Variants in C20orf96 observed in about 807,000 individuals in gnomAD.
C20orf96 encodes the protein uncharacterized protein C20orf96.
C20orf96 carries 57 observed loss-of-function variants against 52.6 expected under a neutral mutation model. The ratio of observed to expected loss-of-function variants is 1.08; its 90% CI spans 0.88 to 1.35. The LOEUF is 1.35. C20orf96 is among the 40% of genes most tolerant of loss of function. C20orf96 has a pLI of 0.00. For synonymous variants in C20orf96, 168 were observed against 157.2 expected (o/e 1.07, Z -0.51); for missense variants, 478 against 443.6 (o/e 1.08, Z -0.70).
At chr20:277,630 C>A (rs1600185578) in intron 6 of C20orf96, among the ~76,000 whole-genome samples, 1 of 152,150 alleles carries the variant, frequency 6.6e-6, no homozygotes, top group Non-Finnish European at 1.5e-5. Context: ...CTAGACTAGT[C>A]CCCACTCTGC....
rs761179329 is a variant in C20orf96, at chr20:277,256, G to A, written c.693C>T (p.Arg231=). Reference sequence around the variant, plus strand: ...GGCTGTCCTTAACCTGCTGCAGCTGGCGCATAAGAGTGGAGATCTGGACAG... The same window carrying A: ...GGCTGTCCTTAACCTGCTGCAGCTGACGCATAAGAGTGGAGATCTGGACAG... The part of the protein sequence containing the change: ...IKSVQISTLM[R]QLQQVKDSQQ... Residue 231 remains arginine (R), a synonymous_variant, in exon 7 of 11, where the codon CGC becomes CGT. Transcript: ENST00000360321. The A allele has an allele frequency of 2.5e-6, 4 of 1,614,212 alleles. No homozygotes were observed. The East Asian group carries it at 6.7e-5, about 27-fold the overall frequency.
intron 4 of C20orf96, 146 bp from the exon 5 acceptor site, chr20:279,476 T>C: frequency 1.1e-6 from 1 of 887,596 alleles, no homozygotes; most frequent in Non-Finnish European, 1.6e-6. Flanking sequence ...AGCTGGGCGG[T>C]TCCCCATTGT....
chr20:279,313 CCCGCTCCTGAGCGAGGTCTG>C lies in C20orf96; in HGVS notation c.307-3_323del. 1 of 1,605,398 alleles carries C rather than the reference CCCGCTCCTGAGCGAGGTCTG, an allele frequency of 6.2e-7. No homozygotes were observed. The highest frequency in any genetic ancestry group is 8.5e-7 in the Non-Finnish European group (1 of 1,178,408). ...TTCGGAGCTCTCGCAGAGCGGCCCT[CCCGCTCCTGAGCGAGGTCTG>C]CGGGCGGAGGGAAGAGCAGAGAGGC... On this transcript the variant is annotated splice_acceptor_variant and splice_polypyrimidine_tract_variant and coding_sequence_variant and intron_variant, in exon 5 of 11. Coordinates refer to ENST00000360321, the MANE Select transcript of C20orf96 (RefSeq NM_153269.3). LOFTEE classifies it high-confidence loss of function.
intron 3 of C20orf96, among the ~76,000 whole-genome samples, chr20:284,969 T>C (rs2012345846): frequency 1.3e-5 from 2 of 152,316 alleles, no homozygotes; most frequent in Admixed American, 6.5e-5. Context: ...CGTCCACCTA[T>C]AAAATGGGAA....
At chr20:277,449 C>A in intron 6 of C20orf96, 66 bp from the exon 7 acceptor site, 2 of 1,537,184 alleles carry the variant, frequency 1.3e-6, no homozygotes, top group Non-Finnish European at 1.8e-6. Context: ...ACCTGGGCCC[C>A]AGGAGGCCCA....
intron 10 of C20orf96, among the ~76,000 whole-genome samples, chr20:272,137 C>T (rs1427289520): frequency 6.6e-6 from 1 of 151,582 alleles, no homozygotes; most frequent in African/African-American, 2.4e-5. Context: ...TCTAGATGGG[C>T]AAAACTGGCT....
intron 10 of C20orf96, among the ~76,000 whole-genome samples, chr20:274,269 C>T (rs75067283): frequency 0.13 from 20,482 of 151,852 alleles, 1,993 homozygotes; most frequent in African/African-American, 0.29. Context: ...GTGTATTGCT[C>T]CTGGCCTCTC....
intron 10 of C20orf96, among the ~76,000 whole-genome samples, chr20:274,310 G>A (rs531018451): frequency 2.0e-5 from 3 of 152,042 alleles, no homozygotes; most frequent in African/African-American, 7.2e-5. Context: ...TTTTGGAAAG[G>A]GGGTATGACC....
intron 4 of C20orf96, among the ~76,000 whole-genome samples, chr20:281,288 C>T (rs569806238): frequency 3.0e-4 from 46 of 151,774 alleles, no homozygotes; most frequent in African/African-American, 1.0e-3. Flanking sequence ...CAGGAGTTTA[C>T]GGCTGCAGTG....
intron 5 of C20orf96, 90 bp downstream of exon 5, chr20:279,082 C>CG: frequency 1.1e-5 from 4 of 362,496 alleles, no homozygotes; most frequent in East Asian, 1.4e-4. Flanking sequence ...GAGGGAGGGA[C>CG]GGAGGGCGGG....
rs2012171417 is a variant in C20orf96 at position 279,170 on chromosome 20, A to G, written c.465+2T>C. Reference sequence around the variant, plus strand: ...AGGGCGGGCGGATGCCGCGGGTCTCACCGCCAGGGTGTCCTGCTGCTGCAG... The same window carrying G: ...AGGGCGGGCGGATGCCGCGGGTCTCGCCGCCAGGGTGTCCTGCTGCTGCAG... On this transcript the variant is annotated splice_donor_variant, in intron 5 of 10. Transcript: ENST00000360321. LOFTEE classifies it high-confidence loss of function. 5 of 1,579,402 alleles carry G rather than the reference A, an allele frequency of 3.2e-6. No homozygotes were observed. The East Asian group carries it at 9.5e-5, about 30-fold the overall frequency.
At chr20:279,685 G>A (rs1050597465) in intron 4 of C20orf96, among the ~76,000 whole-genome samples, 1 of 152,098 alleles carries the variant, frequency 6.6e-6, no homozygotes, top group Non-Finnish European at 1.5e-5. Context: ...AGAAATAATA[G>A]TAAGGGCCGG....
At chr20:277,457 CCAGGAGGCA>C in intron 6 of C20orf96, 74 bp from the exon 7 acceptor site, 2 of 1,537,030 alleles carry the variant, frequency 1.3e-6, no homozygotes, top group Non-Finnish European at 1.8e-6. Flanking sequence ...CCCAGGAGGC[CCAGGAGGCA>C]AGGTCTCCTT....
At chr20:285,005 T>A (rs1453275351) in intron 3 of C20orf96, among the ~76,000 whole-genome samples, 2 of 151,982 alleles carry the variant, frequency 1.3e-5, no homozygotes, top group East Asian at 3.9e-4. Flanking sequence ...CCTCATAGAG[T>A]CTTCCTGAAG....
At chr20:288,923 G>A (rs79419670) in intron 3 of C20orf96, among the ~76,000 whole-genome samples, 3,811 of 152,284 alleles carry the variant, frequency 0.025, 161 homozygotes, top group African/African-American at 0.086. Flanking sequence ...GGCTCAGAGA[G>A]ATGAATGATT....
intron 1 of C20orf96, 122 bp downstream of exon 1, chr20:290,469 G>A: frequency 6.6e-7 from 1 of 1,511,720 alleles, no homozygotes; most frequent in South Asian, 1.2e-5. Context: ...TGGGCGGGGA[G>A]AGGACGGGGG....
At position 270,932 on chromosome 20, in the gene C20orf96, A is replaced by T; in HGVS notation, c.*275T>A. ...TTAATCAGAAATTCCCACCTGGCCCAGCAGCACCAACCAGAAAGAAGGGAA... is the reference window on the plus strand; with the variant it reads ...TTAATCAGAAATTCCCACCTGGCCCTGCAGCACCAACCAGAAAGAAGGGAA... On this transcript the variant is annotated 3_prime_UTR_variant, in exon 11 of 11. Transcript: ENST00000360321. 2.2e-6 allele frequency: 1 copy of T among 463,510 alleles called. No individual in the cohort carries two copies. The highest frequency in any genetic ancestry group is 3.8e-6 in the Non-Finnish European group (1 of 260,784). 28.7% of individuals were successfully genotyped at this position (463,510 alleles called of 1,614,324 possible). A position where few individuals can be genotyped will look rare whatever the true frequency, so the allele number is the denominator to read the frequency against.
At chr20:277,984 T>C (rs2012085266) in intron 6 of C20orf96, among the ~76,000 whole-genome samples, 1 of 152,198 alleles carries the variant, frequency 6.6e-6, no homozygotes, top group Non-Finnish European at 1.5e-5. Flanking sequence ...AGGATTGGAT[T>C]CTGGCTCCTA....
chr20:277,070 T>C lies in C20orf96; in HGVS notation c.799A>G (p.Lys267Glu). The C allele has an allele frequency of 6.2e-7, 1 of 1,613,428 alleles. No homozygotes were observed. Among genetic ancestry groups the C allele is most frequent in the Non-Finnish European group, 8.5e-7 (1 of 1,179,542 alleles). Reference sequence around the variant, plus strand: ...GCCACCACAGAACTCAGAATTTTTTTCTTCTTCTTCTGAATCTTGTCAGAC... The same window carrying C: ...GCCACCACAGAACTCAGAATTTTTTCCTTCTTCTTCTGAATCTTGTCAGAC... ...SLSDKIQKKK[K>E]KILSSVVAET... Residue 267 changes from lysine to glutamate, a missense_variant, in exon 8 of 11, where the codon AAA becomes GAA. Coordinates refer to ENST00000360321, the MANE Select transcript of C20orf96 (RefSeq NM_153269.3).
Sources: allele counts gnomAD v4.1 joint callset (sites outside exome capture counted in the v4.1 genomes callset), GRCh38; gene constraint gnomAD v4.1.1; transcripts MANE v1.5; gene names NCBI Gene and HGNC (gene_info 2026-07-23, HGNC 2026-07-21).